ZNF469: variants seen among roughly 807,000 people sequenced by gnomAD.
ZNF469 encodes the protein zinc finger protein 469.
A neutral mutation model predicts 1.0 loss-of-function variants in ZNF469; 1 was observed. That is an observed-to-expected ratio of 1.00 (90% confidence interval 0.35 to 4.73). The LOEUF (loss-of-function observed/expected upper bound fraction) is 4.73. Among genes scored for constraint, ZNF469 ranks in the 30% most tolerant of loss-of-function variants. ZNF469 has a pLI of 0.16. For missense variants in ZNF469, 6,100 were observed against 5,356.3 expected, an observed-to-expected ratio of 1.14 and a Z score of -4.33; for synonymous variants, 2,703 against 2,363.4, an observed-to-expected ratio of 1.14 and a Z score of -4.17.
the ZNF469 span, among the ~76,000 whole-genome samples, chr16:88,279,024 T>TGCGCCACGCTGACACTCGGTCAGTACC: frequency 1.3e-5 from 2 of 151,624 alleles, no homozygotes; most frequent in African/African-American, 2.4e-5. Flanking sequence ...TCATTAGTGC[T>TGCGCCACGCTGACACTCGGTCAGTACC]GTACCACGCC....
chr16:88,353,495 T>A, the ZNF469 span, among the ~76,000 whole-genome samples: 5 of 152,296 alleles, frequency 3.3e-5, no homozygotes, highest in African/African-American at 4.8e-5. Context: ...AGCGGCTTCC[T>A]GCCCCAGGGC....
At position 88,428,830 on chromosome 16, in the gene ZNF469, G is replaced by A. The variant is rs1905898124; in HGVS notation, c.1360G>A (p.Gly454Ser). ...TAAPYPTPPG[G>S]PLAATRSMFF... ...AGCCCCTTACCCCACACCTCCTGGGGGCCCCCTGGCTGCCACCAGGAGTAT... is the reference window on the plus strand; with the variant it reads ...AGCCCCTTACCCCACACCTCCTGGGAGCCCCCTGGCTGCCACCAGGAGTAT... The change falls in exon 3 of 3, where the codon GGC (glycine) becomes AGC (serine). Residue 454 changes from glycine to serine, a missense_variant. Physicochemically the swap from Gly to Ser is moderately conservative, Grantham distance 56 (BLOSUM62 0). Transcript: ENST00000565624. 3.2e-6 allele frequency: 5 copies of A among 1,547,888 alleles called. No homozygotes were observed. The East Asian group carries it at 9.8e-5, about 30-fold the overall frequency.
chr16:88,382,952 G>A (rs1412429720), upstream of ZNF469, among the ~76,000 whole-genome samples: 4 of 151,666 alleles, frequency 2.6e-5, no homozygotes, highest in South Asian at 2.1e-4. Flanking sequence ...CCCAGCCTCC[G>A]GGGGGCAGAC....
chr16:88,370,460 C>G, the ZNF469 span, among the ~76,000 whole-genome samples: 4 of 152,146 alleles, frequency 2.6e-5, no homozygotes, highest in African/African-American at 9.7e-5. Flanking sequence ...CACTGTCCCC[C>G]CAGTCACTAG....
the ZNF469 span, among the ~76,000 whole-genome samples, chr16:88,115,937 G>A: frequency 1.1e-4 from 17 of 152,274 alleles, no homozygotes; most frequent in South Asian, 4.1e-4. Flanking sequence ...ACCCTGCCCC[G>A]CCCATCTCCC....
the ZNF469 span, among the ~76,000 whole-genome samples, chr16:88,348,274 C>T: frequency 2.0e-5 from 3 of 152,210 alleles, no homozygotes; most frequent in Non-Finnish European, 4.4e-5. Context: ...CTTGTGGCCA[C>T]ATTGCTGCTG....
the ZNF469 span, among the ~76,000 whole-genome samples, chr16:88,280,719 G>C: frequency 6.6e-6 from 1 of 151,376 alleles, no homozygotes; most frequent in Non-Finnish European, 1.5e-5. Flanking sequence ...CCGATGCTTG[G>C]TCAGTACCAT....
chr16:88,224,561 T>A, the ZNF469 span, among the ~76,000 whole-genome samples: 1 of 152,148 alleles, frequency 6.6e-6, no homozygotes, highest in Non-Finnish European at 1.5e-5. Context: ...GGTAAACCCG[T>A]CAGCTTCTCT....
At chr16:88,336,323 G>C in the ZNF469 span, among the ~76,000 whole-genome samples, 6 of 151,456 alleles carry the variant, frequency 4.0e-5, no homozygotes, top group African/African-American at 1.5e-4. Context: ...TCCTTCACGT[G>C]AGACACTAAC....
At chr16:88,257,745 G>A in the ZNF469 span, among the ~76,000 whole-genome samples, 5 of 152,174 alleles carry the variant, frequency 3.3e-5, no homozygotes, top group African/African-American at 1.2e-4. Context: ...CATTGATGAG[G>A]TTTGGGAAGG....
chr16:88,224,734 T>G, the ZNF469 span, among the ~76,000 whole-genome samples: 1 of 151,996 alleles, frequency 6.6e-6, no homozygotes, highest in Admixed American at 6.5e-5. Flanking sequence ...TCTGTGTAAG[T>G]ACGTACATAT....
At chr16:88,275,740 C>T in the ZNF469 span, among the ~76,000 whole-genome samples, 1 of 152,220 alleles carries the variant, frequency 6.6e-6, no homozygotes, top group South Asian at 2.1e-4. Context: ...AACCCCAAAG[C>T]CTCCCAGGAC....
Position 88,429,777 on chromosome 16 carries a change from C to A in ZNF469, c.2307C>A (p.Gly769=). ...RAKDGHQRSP[G]PPGLPSPPAA... ...AGGATGGCCACCAGCGGTCTCCAGGCCCCCCTGGGCTCCCCTCGCCCCCCG... is the reference window on the plus strand; with the variant it reads ...AGGATGGCCACCAGCGGTCTCCAGGACCCCCTGGGCTCCCCTCGCCCCCCG... The change falls in exon 3 of 3, where the codon GGC becomes GGA. Residue 769 remains glycine (G), a synonymous_variant. Transcript: ENST00000565624. 6.5e-7 allele frequency: 1 copy of A among 1,544,040 alleles called. No homozygotes were observed. The highest frequency in any genetic ancestry group is 1.2e-5 in the South Asian group (1 of 83,944).
At chr16:88,252,693 C>T in the ZNF469 span, among the ~76,000 whole-genome samples, 8 of 152,264 alleles carry the variant, frequency 5.3e-5, no homozygotes, top group African/African-American at 1.7e-4. Flanking sequence ...TATATATACA[C>T]GCATGTGTAT....
chr16:88,287,318 C>G, the ZNF469 span, among the ~76,000 whole-genome samples: 1 of 152,216 alleles, frequency 6.6e-6, no homozygotes, highest in African/African-American at 2.4e-5. Flanking sequence ...CTGCTCTGAG[C>G]ATCACAAGTC....
the ZNF469 span, among the ~76,000 whole-genome samples, chr16:88,376,253 G>C: frequency 1.3e-5 from 2 of 152,234 alleles, no homozygotes; most frequent in African/African-American, 4.8e-5. Context: ...TGACTGAGCT[G>C]AGCAAAATGT....
At chr16:88,269,876 C>T in the ZNF469 span, among the ~76,000 whole-genome samples, 12 of 152,164 alleles carry the variant, frequency 7.9e-5, no homozygotes, top group South Asian at 1.9e-3. Context: ...GGCGTAGATG[C>T]TCCAGGTGCA....
chr16:88,183,590 C>T, the ZNF469 span, among the ~76,000 whole-genome samples: 1 of 152,134 alleles, frequency 6.6e-6, no homozygotes, highest in African/African-American at 2.4e-5. Flanking sequence ...GCTGTAGGAC[C>T]GAGGAGAGAC....
chr16:88,404,282 C>G (rs1904966102), intron 1 of ZNF469, among the ~76,000 whole-genome samples: 1 of 152,188 alleles, frequency 6.6e-6, no homozygotes, highest in African/African-American at 2.4e-5. Flanking sequence ...CAAGCGGATT[C>G]TAGATACCAG....
Sources: allele counts gnomAD v4.1 joint callset (sites outside exome capture counted in the v4.1 genomes callset), GRCh38; gene constraint gnomAD v4.1.1; transcripts MANE v1.5; gene names NCBI Gene and HGNC (gene_info 2026-07-23, HGNC 2026-07-21).